Variants in RPS6KA6 observed in about 807,000 individuals in gnomAD.
The protein encoded by RPS6KA6 is ribosomal protein S6 kinase alpha-6.
In RPS6KA6, 27 loss-of-function variants were observed where a neutral mutation model predicts 65.4. The ratio of observed to expected loss-of-function variants is 0.41; its 90% CI spans 0.30 to 0.57. RPS6KA6 has a LOEUF of 0.57. RPS6KA6 is among the 20% of genes least tolerant of loss of function. RPS6KA6 has a pLI of 0.24. For missense variants in RPS6KA6, 486 were observed against 555.6 expected (o/e 0.87, Z 1.26); for synonymous variants, 190 against 184.2 (o/e 1.03, Z -0.26).
intron 6 of RPS6KA6, among the ~76,000 whole-genome samples, chrX:84,136,972 C>T (rs1289877080): frequency 8.9e-6 from 1 of 111,904 alleles, no homozygotes; most frequent in Non-Finnish European, 1.9e-5. Flanking sequence ...CTGCCACATG[C>T]TGTGATGCAA....
At chrX:84,166,622 T>C (rs187608005) in intron 1 of RPS6KA6, among the ~76,000 whole-genome samples, 1 of 111,155 alleles carries the variant, frequency 9.0e-6, no homozygotes, top group Admixed American at 9.6e-5. Flanking sequence ...CTAAAATCCA[T>C]GTCATTAACA....
chrX:84,065,337 C>A (rs1330349023), intron 20 of RPS6KA6, among the ~76,000 whole-genome samples: 2 of 110,957 alleles, frequency 1.8e-5, no homozygotes, highest in Non-Finnish European at 3.8e-5. Flanking sequence ...CGGAAGATGC[C>A]AAATCTGTGG....
At chrX:84,162,265 A>G (rs2035526639) in intron 2 of RPS6KA6, among the ~76,000 whole-genome samples, 1 of 111,238 alleles carries the variant, frequency 9.0e-6, no homozygotes, top group African/African-American at 3.3e-5. Flanking sequence ...ACACATGACA[A>G]TCACAAAGAA....
At chrX:84,146,573 A>G (rs1463386668) in intron 5 of RPS6KA6, among the ~76,000 whole-genome samples, 1 of 111,710 alleles carries the variant, frequency 9.0e-6, no homozygotes, top group East Asian at 2.8e-4. Flanking sequence ...ACTCAAGTAG[A>G]CTAACATAAC....
rs150672763 is a variant in RPS6KA6 at position 84,126,980 on chromosome X, T to C, written c.647-6953A>G. Among the ~76,000 whole-genome samples the C allele has an allele frequency of 4.7e-3, 527 of 111,004 alleles. 4 individuals carry two copies. The highest frequency in any genetic ancestry group is 0.043 in the East Asian group (154 of 3,541). ...TTAGTCGGAGAAAAGAAGTAATAAA[T>C]ATCAGAGCAGAAATAAATGAATTTT... On this transcript the variant is annotated intron_variant, in intron 8 of 21. Transcript: ENST00000262752.
intron 16 of RPS6KA6, among the ~76,000 whole-genome samples, chrX:84,105,467 T>C (rs1288292005): frequency 9.0e-6 from 1 of 111,148 alleles, no homozygotes; most frequent in African/African-American, 3.2e-5. Flanking sequence ...ATCCCCAGTC[T>C]CCTGTATCTT....
Position 84,123,747 on chromosome X carries a change from C to T in RPS6KA6, c.647-3720G>A, listed in dbSNP as rs747393083. ...CCCAGACAGCATGCCTGGTCCTGCC[C>T]GGGGCCTGGGGGAACTCATTGCCCT... is the stretch of plus-strand genomic sequence containing the variant. On this transcript the variant is annotated intron_variant, in intron 8 of 21. Coordinates refer to ENST00000262752, the MANE Select transcript of RPS6KA6 (RefSeq NM_014496.5). 1.8e-3 allele frequency among the ~76,000 whole-genome samples: 200 copies of T among 112,086 alleles called. 1 individual carries two copies. Among genetic ancestry groups the T allele is most frequent in the Non-Finnish European group, 1.8e-3 (93 of 53,135 alleles).
At chrX:84,150,818 GAT>G (rs1401296735) in intron 3 of RPS6KA6, among the ~76,000 whole-genome samples, 1 of 95,436 alleles carries the variant, frequency 1.0e-5, no homozygotes, top group Non-Finnish European at 2.1e-5. Flanking sequence ...ATATATATAG[GAT>G]ATATATATAG....
At chrX:84,103,870 TTTA>T (rs2034304520) in intron 17 of RPS6KA6, among the ~76,000 whole-genome samples, 1 of 111,281 alleles carries the variant, frequency 9.0e-6, no homozygotes, top group South Asian at 3.7e-4. Flanking sequence ...TTTAAATTTC[TTTA>T]TTAAGTTGGT....
chrX:84,060,871 T>TAAC lies in RPS6KA6; in HGVS notation c.*3403_*3405dup, dbSNP rs1212484260. On this transcript the variant is annotated 3_prime_UTR_variant, in exon 22 of 22. Coordinates refer to ENST00000262752, the MANE Select transcript of RPS6KA6 (RefSeq NM_014496.5). ...CACAACTTCCTTAAAAAATGCCAAT[T>TAAC]AACTATTAGCCACTGACAGAAAAAT... 8.9e-6 allele frequency: 1 copy of TAAC among 112,025 alleles called. No homozygotes were observed. Among genetic ancestry groups the TAAC allele is most frequent in the Non-Finnish European group, 1.9e-5 (1 of 53,162 alleles). 9.2% of individuals were successfully genotyped at this position (112,025 alleles called of 1,213,427 possible).
chrX:84,115,937 A>G (rs935139409), intron 12 of RPS6KA6, among the ~76,000 whole-genome samples: 4 of 111,153 alleles, frequency 3.6e-5, no homozygotes, highest in Non-Finnish European at 7.6e-5. Flanking sequence ...ATAGACACCG[A>G]GGACTCCAAA....
At chrX:84,151,414 T>C (rs940616500) in intron 3 of RPS6KA6, among the ~76,000 whole-genome samples, 10 of 110,145 alleles carry the variant, frequency 9.1e-5, no homozygotes, top group African/African-American at 3.3e-4. Context: ...TACATTTGCC[T>C]AAATTCAATT....
intron 9 of RPS6KA6, among the ~76,000 whole-genome samples, chrX:84,118,965 T>C (rs1008659598): frequency 5.4e-5 from 6 of 111,956 alleles, no homozygotes; most frequent in Non-Finnish European, 1.1e-4. Context: ...TCCACTTCTC[T>C]AGTCAAACTG....
chrX:84,125,987 A>AT (rs1402065449), intron 8 of RPS6KA6, among the ~76,000 whole-genome samples: 1 of 111,884 alleles, frequency 8.9e-6, no homozygotes, highest in Non-Finnish European at 1.9e-5. Flanking sequence ...AAAAAATGGC[A>AT]TGAGTAAGTC....
At chrX:84,091,502 T>C in intron 20 of RPS6KA6, among the ~76,000 whole-genome samples, 1 of 112,119 alleles carries the variant, frequency 8.9e-6, no homozygotes, top group African/African-American at 3.2e-5. Flanking sequence ...ACATGCCAAA[T>C]AGTAATGGGA....
chrX:84,082,243 C>T (rs997648404), intron 20 of RPS6KA6, among the ~76,000 whole-genome samples: 1 of 112,122 alleles, frequency 8.9e-6, no homozygotes, highest in Admixed American at 9.5e-5. Flanking sequence ...GCAACTTCAG[C>T]AACGCCTCAG....
chrX:84,168,539 C>T (rs2035633589), intron 1 of RPS6KA6, among the ~76,000 whole-genome samples: 1 of 111,303 alleles, frequency 9.0e-6, no homozygotes, highest in Non-Finnish European at 1.9e-5. Context: ...TCATTGTAAG[C>T]ATATAGAAAG....
intron 12 of RPS6KA6, among the ~76,000 whole-genome samples, chrX:84,112,021 C>T (rs192139141): frequency 3.0e-4 from 33 of 111,522 alleles, no homozygotes; most frequent in African/African-American, 1.1e-3. Flanking sequence ...CACAACAAAG[C>T]CGAAGTAGCC....
At chrX:84,137,311 G>A (rs1258413151) in intron 6 of RPS6KA6, among the ~76,000 whole-genome samples, 1 of 111,425 alleles carries the variant, frequency 9.0e-6, no homozygotes, top group African/African-American at 3.3e-5. Flanking sequence ...TTCAATAGCT[G>A]CACAATATAA....
Sources: allele counts gnomAD v4.1 joint callset (sites outside exome capture counted in the v4.1 genomes callset), GRCh38; gene constraint gnomAD v4.1.1; transcripts MANE v1.5; gene names NCBI Gene and HGNC (gene_info 2026-07-23, HGNC 2026-07-21).